SPINK5: variants seen among roughly 807,000 people sequenced by gnomAD.
SPINK5 encodes the protein serine protease inhibitor Kazal-type 5.
A neutral mutation model predicts 151.8 loss-of-function variants in SPINK5; 125 were observed. That is an observed-to-expected ratio of 0.82 (90% confidence interval 0.71 to 0.96). The LOEUF is 0.96. Among genes scored for constraint, SPINK5 ranks in the 40% least tolerant of loss-of-function variants. SPINK5 has a pLI of 0.00. For synonymous variants in SPINK5, 374 were observed against 395.3 expected (o/e 0.95, Z 0.64); for missense variants, 1,194 against 1,291.9 (o/e 0.92, Z 1.16).
At chr5:148,104,882 A>G (rs761476378) in intron 15 of SPINK5, 70 bp from the exon 16 acceptor site, 2 of 1,434,222 alleles carry the variant, frequency 1.4e-6, no homozygotes, top group African/African-American at 2.9e-5. Context: ...GGTGACAGAG[A>G]GAGACTCCGT....
At chr5:148,114,064 A>G (rs573434378) in intron 20 of SPINK5, among the ~76,000 whole-genome samples, 3 of 152,294 alleles carry the variant, frequency 2.0e-5, no homozygotes, top group East Asian at 1.9e-4. Flanking sequence ...TTCTGTCTCA[A>G]TTTCTCACGT....
At chr5:148,103,167 C>G (rs946228585) in intron 15 of SPINK5, among the ~76,000 whole-genome samples, 5 of 152,080 alleles carry the variant, frequency 3.3e-5, no homozygotes, top group Non-Finnish European at 7.4e-5. Context: ...ATATAATTAT[C>G]ACAACAAACG....
At chr5:148,131,862 A>G (rs1442929048) in intron 31 of SPINK5, among the ~76,000 whole-genome samples, 4 of 152,178 alleles carry the variant, frequency 2.6e-5, no homozygotes, top group Admixed American at 6.5e-5. Flanking sequence ...TTGCAAAAGG[A>G]AAGTGCACTG....
chr5:148,105,680 G>C (rs951388737), intron 16 of SPINK5, among the ~76,000 whole-genome samples: 2 of 151,790 alleles, frequency 1.3e-5, no homozygotes, highest in African/African-American at 4.8e-5. Context: ...CAGTGGCGCA[G>C]ATCTGGGCTC....
Position 148,124,801 on chromosome 5 carries a change from A to T in SPINK5, c.2703A>T (p.Glu901Asp), listed in dbSNP as rs1754388573. ...REANERKKKD[E>D]EKSSSKPSNN... ...CTAATGAAAGAAAAAAGAAAGATGA[A>T]GAGAAATCAAGTAGCAAGCCCTCAA... Residue 901 changes from glutamate to aspartate, a missense_variant, in exon 28 of 33, where the codon GAA (glutamate) becomes GAT (aspartate). Physicochemically the swap from Glu to Asp is conservative, Grantham distance 45. Coordinates refer to ENST00000256084, the MANE Select transcript of SPINK5 (RefSeq NM_006846.4). 2.5e-6 allele frequency: 4 copies of T among 1,608,404 alleles called. No individual in the cohort carries two copies. Among genetic ancestry groups the T allele is most frequent in the Non-Finnish European group, 3.4e-6 (4 of 1,177,200 alleles).
intron 15 of SPINK5, among the ~76,000 whole-genome samples, chr5:148,102,350 A>G (rs925745736): frequency 2.0e-5 from 3 of 152,208 alleles, no homozygotes; most frequent in Non-Finnish European, 4.4e-5. Context: ...AATGTATCAT[A>G]TATTTCAAAA....
chr5:148,128,813 G>T lies in SPINK5; in HGVS notation c.2964+1734G>T, dbSNP rs566369639. 1.3e-3 allele frequency among the ~76,000 whole-genome samples: 198 copies of T among 152,240 alleles called. 1 individual carries two copies. Among genetic ancestry groups the T allele is most frequent in the African/African-American group, 4.6e-3 (192 of 41,552 alleles). On this transcript the variant is annotated intron_variant, in intron 30 of 32. Transcript: ENST00000256084. ...GCTGGGATTATAGGCGTGAGCCACC[G>T]CGCCCGGCCTCCAGGCATTATTTAC...
chr5:148,128,876 G>T (rs147155275), intron 30 of SPINK5, among the ~76,000 whole-genome samples: 1 of 152,098 alleles, frequency 6.6e-6, no homozygotes, highest in East Asian at 1.9e-4. Context: ...AACAGATAGC[G>T]CTCACTACAT....
chr5:148,078,579 G>A (rs903865388), intron 4 of SPINK5, among the ~76,000 whole-genome samples: 2 of 150,712 alleles, frequency 1.3e-5, no homozygotes, highest in African/African-American at 4.8e-5. Context: ...ATCATATATA[G>A]TATTTTTTTT....
intron 22 of SPINK5, 82 bp downstream of exon 22, chr5:148,116,548 G>A (rs909796130): frequency 7.4e-7 from 1 of 1,359,980 alleles, no homozygotes; most frequent in African/African-American, 1.4e-5. Flanking sequence ...TATAGTCTAT[G>A]GTAAAGGCAG....
intron 22 of SPINK5, among the ~76,000 whole-genome samples, chr5:148,117,651 C>A (rs2113182734): frequency 6.6e-6 from 1 of 152,224 alleles, no homozygotes; most frequent in Admixed American, 6.5e-5. Flanking sequence ...GTTTGAATTT[C>A]CCAGGTCCAC....
intron 18 of SPINK5, 90 bp from the exon 19 acceptor site, chr5:148,111,678 A>G: frequency 6.3e-7 from 1 of 1,585,758 alleles, no homozygotes; most frequent in Non-Finnish European, 8.6e-7. Flanking sequence ...TGCAATCATT[A>G]TGTTTTAGTT....
At chr5:148,127,844 C>T (rs1445596514) in intron 30 of SPINK5, among the ~76,000 whole-genome samples, 1 of 152,108 alleles carries the variant, frequency 6.6e-6, no homozygotes, top group African/African-American at 2.4e-5. Flanking sequence ...GGTGACAGAA[C>T]AGGACCCCAC....
At chr5:148,115,137 G>A (rs2113172538) in intron 21 of SPINK5, among the ~76,000 whole-genome samples, 1 of 152,116 alleles carries the variant, frequency 6.6e-6, no homozygotes, top group Admixed American at 6.6e-5. Context: ...TCAAGAAAGG[G>A]ATAATTAATA....
At chr5:148,129,355 TGGAC>T (rs1754517020) in intron 30 of SPINK5, among the ~76,000 whole-genome samples, 2 of 152,234 alleles carry the variant, frequency 1.3e-5, no homozygotes, top group African/African-American at 4.8e-5. Flanking sequence ...AGGCAAGGGC[TGGAC>T]AGCTAGTTAG....
At chr5:148,070,203 A>C (rs1434065133) in intron 2 of SPINK5, 120 bp from the exon 3 acceptor site, 1 of 1,203,240 alleles carries the variant, frequency 8.3e-7, no homozygotes, top group Non-Finnish European at 1.2e-6. Context: ...ATCTTCAAAA[A>C]ACCTTGGAAT....
intron 10 of SPINK5, among the ~76,000 whole-genome samples, chr5:148,096,182 A>T (rs1026563457): frequency 6.6e-6 from 1 of 151,896 alleles, no homozygotes; most frequent in Non-Finnish European, 1.5e-5. Context: ...ATATCAAAAC[A>T]TTGTCTGAAT....
intron 15 of SPINK5, 30 bp from the exon 16 acceptor site, chr5:148,104,922 T>C (rs1288930600): frequency 4.4e-6 from 7 of 1,600,836 alleles, no homozygotes; most frequent in Non-Finnish European, 6.0e-6. Context: ...AATCCATTTC[T>C]TCTCTCTTTT....
chr5:148,085,533 T>C (rs1167244417), intron 4 of SPINK5, among the ~76,000 whole-genome samples: 1 of 151,910 alleles, frequency 6.6e-6, no homozygotes, highest in Non-Finnish European at 1.5e-5. Context: ...ATCTGGAATG[T>C]AGGTAGGGTG....
Sources: gnomAD v4.1 joint callset for allele counts (sites outside exome capture counted in the v4.1 genomes callset) on GRCh38, gnomAD v4.1.1 for gene constraint, MANE v1.5 for transcripts, NCBI Gene and HGNC (gene_info 2026-07-23, HGNC 2026-07-21) for gene names.